Variants in PGS1 observed in about 807,000 individuals in gnomAD.
PGS1 encodes CDP-diacylglycerol--glycerol-3-phosphate 3-phosphatidyltransferase, mitochondrial.
PGS1 carries 44 observed loss-of-function variants against 58.3 expected under a neutral mutation model. That is an observed-to-expected ratio of 0.75 (90% CI 0.59 to 0.97). The LOEUF is 0.97. Ranked by LOEUF, PGS1 falls within the 50% of genes least tolerant of loss-of-function variation. The pLI, the probability that PGS1 is intolerant of heterozygous loss-of-function variation, is 0.00. For missense variants in PGS1, 684 were observed against 731.1 expected (o/e 0.94, Z 0.74); for synonymous variants, 330 against 311.0 (o/e 1.06, Z -0.64).
chr17:78,395,687 T>G (rs2083181009), intron 2 of PGS1, among the ~76,000 whole-genome samples: 3 of 152,218 alleles, frequency 2.0e-5, no homozygotes, highest in Admixed American at 2.0e-4. Flanking sequence ...CATCTATGTT[T>G]CAAGAGTGAT....
intron 2 of PGS1, among the ~76,000 whole-genome samples, chr17:78,396,077 A>G (rs2083210084): frequency 6.6e-6 from 1 of 152,220 alleles, no homozygotes; most frequent in African/African-American, 2.4e-5. Context: ...TGCATTTTAT[A>G]GTTGGCCTAG....
At chr17:78,386,880 G>A (rs1294984874) in intron 1 of PGS1, among the ~76,000 whole-genome samples, 1 of 152,196 alleles carries the variant, frequency 6.6e-6, no homozygotes, top group Non-Finnish European at 1.5e-5. Context: ...CCTGAGCAGC[G>A]AGCAGTATAG....
At position 78,403,665 on chromosome 17, in the gene PGS1, C is replaced by T. The variant is rs780450024; in HGVS notation, c.978C>T (p.Phe326=). The T allele has an allele frequency of 6.2e-7, 1 of 1,614,218 alleles. No homozygotes were observed. The highest frequency in any genetic ancestry group is 1.7e-5 in the Admixed American group (1 of 60,030). The change falls in exon 7 of 10, where the codon TTC becomes TTT. Residue 326 remains phenylalanine (F), a synonymous_variant. Coordinates refer to ENST00000262764, the MANE Select transcript of PGS1 (RefSeq NM_024419.5). ...TRQQMLHAQT[F]HSNSLLTQED... The stretch of plus-strand genomic sequence containing the variant: ...AGCAGATGCTGCATGCCCAGACCTT[C>T]CACAGCAACTCTCTTTTGACCCAGG...
chr17:78,394,464 C>T (rs765130171), intron 2 of PGS1, among the ~76,000 whole-genome samples: 10 of 152,156 alleles, frequency 6.6e-5, no homozygotes, highest in African/African-American at 1.7e-4. Context: ...GCTCACCTGT[C>T]CTTGTTTGTA....
intron 1 of PGS1, among the ~76,000 whole-genome samples, chr17:78,388,951 G>A (rs958300520): frequency 6.6e-6 from 1 of 150,756 alleles, no homozygotes; most frequent in Non-Finnish European, 1.5e-5. Flanking sequence ...TCCATGGTAT[G>A]TCATATGTGC....
chr17:78,418,820 T>C (rs1431682779), intron 8 of PGS1, among the ~76,000 whole-genome samples: 1 of 152,132 alleles, frequency 6.6e-6, no homozygotes, highest in African/African-American at 2.4e-5. Context: ...ACAGATGTCA[T>C]TGGCACAAAT....
Position 78,414,981 on chromosome 17 carries a change from T to C in PGS1, c.1505T>C (p.Ile502Thr), listed in dbSNP as rs1232345734. Residue 502 changes from isoleucine (I) to threonine (T), a missense_variant, in exon 8 of 10, where the codon ATT (isoleucine) becomes ACT (threonine). Coordinates refer to ENST00000262764, the MANE Select transcript of PGS1 (RefSeq NM_024419.5). The stretch of plus-strand genomic sequence containing the variant: ...GTTCACCGGGACCTGGAGGCCCAGA[T>C]TGCGATCGTGACGGAGAACCAGGCC... ...RSVHRDLEAQIAIVTENQALQ... is the reference protein window; with the variant it reads ...RSVHRDLEAQTAIVTENQALQ... 2 of 1,613,604 alleles carry C rather than the reference T, an allele frequency of 1.2e-6. No individual in the cohort carries two copies. The highest frequency in any genetic ancestry group is 4.5e-5 in the East Asian group (2 of 44,878).
intron 7 of PGS1, among the ~76,000 whole-genome samples, chr17:78,407,672 G>C (rs2084272328): frequency 6.6e-6 from 1 of 152,258 alleles, no homozygotes; most frequent in Non-Finnish European, 1.5e-5. Context: ...CCCTTGGGCA[G>C]AGACAGGTAG....
At chr17:78,389,151 C>T (rs142316040) in intron 1 of PGS1, among the ~76,000 whole-genome samples, 6 of 140,906 alleles carry the variant, frequency 4.3e-5, no homozygotes, top group Non-Finnish European at 7.6e-5. Flanking sequence ...CAACCTCTGG[C>T]GCCCAGGTTC....
intron 1 of PGS1, among the ~76,000 whole-genome samples, chr17:78,379,018 T>A (rs2081838936): frequency 6.6e-6 from 1 of 152,122 alleles, no homozygotes; most frequent in African/African-American, 2.4e-5. Context: ...TGCTCCATTA[T>A]CGGCCGGGTC....
At chr17:78,385,333 G>A (rs1399755615) in intron 1 of PGS1, among the ~76,000 whole-genome samples, 2 of 149,538 alleles carry the variant, frequency 1.3e-5, no homozygotes, top group East Asian at 2.0e-4. Flanking sequence ...CTTTCGCCCA[G>A]GTCAGAGTGC....
intron 1 of PGS1, among the ~76,000 whole-genome samples, chr17:78,381,386 C>G (rs765517140): frequency 2.6e-5 from 4 of 152,148 alleles, no homozygotes; most frequent in African/African-American, 7.2e-5. Context: ...TATGGTAGGA[C>G]TGAGGATAAA....
chr17:78,392,690 G>A (rs1327072639), intron 2 of PGS1, 25 bp downstream of exon 2: 3 of 1,601,404 alleles, frequency 1.9e-6, no homozygotes, highest in South Asian at 1.1e-5. Context: ...AAGGAAAGAA[G>A]TTTGAGTTAG....
At chr17:78,417,457 C>T (rs556743251) in intron 8 of PGS1, among the ~76,000 whole-genome samples, 47 of 152,002 alleles carry the variant, frequency 3.1e-4, no homozygotes, top group African/African-American at 1.0e-3. Context: ...GCCCACTGAG[C>T]ATGGGACGGG....
At chr17:78,408,287 A>C (rs2084330614) in intron 7 of PGS1, among the ~76,000 whole-genome samples, 4 of 152,174 alleles carry the variant, frequency 2.6e-5, no homozygotes, top group African/African-American at 7.2e-5. Context: ...AATACTCAGG[A>C]GAAGCCATGC....
chr17:78,388,096 A>T (rs1375789055), intron 1 of PGS1, among the ~76,000 whole-genome samples: 1 of 152,198 alleles, frequency 6.6e-6, no homozygotes, highest in Admixed American at 6.5e-5. Context: ...TTTCCTCTCT[A>T]ACAAAAATAA....
At chr17:78,389,521 G>T (rs1012259247) in intron 1 of PGS1, among the ~76,000 whole-genome samples, 1 of 151,582 alleles carries the variant, frequency 6.6e-6, no homozygotes, top group African/African-American at 2.4e-5. Context: ...GGGTTTCATC[G>T]TGTTGGCCAG....
At chr17:78,413,565 ACT>A (rs1429931693) in intron 7 of PGS1, among the ~76,000 whole-genome samples, 5 of 151,740 alleles carry the variant, frequency 3.3e-5, no homozygotes, top group East Asian at 1.9e-4. Flanking sequence ...ACACCTGCTC[ACT>A]CTCATTACCT....
At chr17:78,384,837 A>C (rs2082266075) in intron 1 of PGS1, among the ~76,000 whole-genome samples, 1 of 152,212 alleles carries the variant, frequency 6.6e-6, no homozygotes, top group African/African-American at 2.4e-5. Flanking sequence ...TCTAGGGGGA[A>C]ACACGTGTTC....
Sources: gnomAD v4.1 joint callset for allele counts (sites outside exome capture counted in the v4.1 genomes callset) on GRCh38, gnomAD v4.1.1 for gene constraint, MANE v1.5 for transcripts, NCBI Gene and HGNC (gene_info 2026-07-23, HGNC 2026-07-21) for gene names.